Variants in ROBO1 observed in about 807,000 individuals in gnomAD.
The protein encoded by ROBO1 is roundabout homolog 1.
A neutral mutation model predicts 195.9 loss-of-function variants in ROBO1; 149 were observed. That is an observed-to-expected ratio of 0.76 (90% CI 0.67 to 0.87). ROBO1 has a LOEUF of 0.87. Ranked by LOEUF, ROBO1 falls within the 40% of genes least tolerant of loss-of-function variation. The pLI is 0.00. For missense variants in ROBO1, 1,933 were observed against 2,068.3 expected, an observed-to-expected ratio of 0.93 and a Z score of 1.27; for synonymous variants, 816 against 733.2, an observed-to-expected ratio of 1.11 and a Z score of -1.82.
intron 4 of ROBO1, among the ~76,000 whole-genome samples, chr3:78,808,147 CCT>C (rs2084608210): frequency 6.6e-6 from 1 of 152,122 alleles, no homozygotes; most frequent in Admixed American, 6.6e-5. Context: ...AACTCCTTTT[CCT>C]AACCAACAAC....
At chr3:78,917,795 T>C (rs548823668) in intron 4 of ROBO1, among the ~76,000 whole-genome samples, 1 of 152,308 alleles carries the variant, frequency 6.6e-6, no homozygotes, top group South Asian at 2.1e-4. Context: ...GTCTGGCCTA[T>C]TAACAATTCT....
At chr3:79,060,031 G>T (rs2108398277) in intron 3 of ROBO1, among the ~76,000 whole-genome samples, 1 of 152,028 alleles carries the variant, frequency 6.6e-6, no homozygotes, top group South Asian at 2.1e-4. Context: ...AGTAGCCCTG[G>T]GAAAGGAATG....
chr3:79,407,947 C>T (rs1575783788), intron 2 of ROBO1, among the ~76,000 whole-genome samples: 1 of 152,028 alleles, frequency 6.6e-6, no homozygotes, highest in Non-Finnish European at 1.5e-5. Context: ...AAACTAGACA[C>T]TTATTTTTTC....
intron 2 of ROBO1, among the ~76,000 whole-genome samples, chr3:79,576,121 AAT>A (rs1247697128): frequency 6.6e-6 from 1 of 152,000 alleles, no homozygotes; most frequent in Non-Finnish European, 1.5e-5. Flanking sequence ...TTATACATTG[AAT>A]AGTCTGCTGA....
chr3:79,494,351 T>A (rs978068037), intron 2 of ROBO1, among the ~76,000 whole-genome samples: 3 of 152,090 alleles, frequency 2.0e-5, no homozygotes, highest in Non-Finnish European at 4.4e-5. Context: ...ATCATAAAAA[T>A]TACATAAAAA....
At chr3:79,171,082 T>C (rs1371363204) in intron 2 of ROBO1, among the ~76,000 whole-genome samples, 1 of 150,998 alleles carries the variant, frequency 6.6e-6, no homozygotes, top group Non-Finnish European at 1.5e-5. Context: ...TATAAAATTA[T>C]TATTTTATAT....
At position 78,661,981 on chromosome 3, in the gene ROBO1, G is replaced by A; in HGVS notation, c.2088+12C>T. The A allele has an allele frequency of 6.2e-7, 1 of 1,604,624 alleles. No individual in the cohort carries two copies. Among genetic ancestry groups the A allele is most frequent in the Non-Finnish European group, 8.5e-7 (1 of 1,176,162 alleles). ...CTTATTAAAACTGAGATCAAATATTGTAACAACTCACTGTCCAGTGCACTT... is the reference window on the plus strand; with the variant it reads ...CTTATTAAAACTGAGATCAAATATTATAACAACTCACTGTCCAGTGCACTT... On this transcript the variant is annotated intron_variant, in intron 15 of 30. Coordinates refer to ENST00000464233, the MANE Select transcript of ROBO1 (RefSeq NM_002941.4).
intron 1 of ROBO1, among the ~76,000 whole-genome samples, chr3:79,595,774 C>T (rs574747591): frequency 2.0e-5 from 3 of 149,042 alleles, no homozygotes; most frequent in African/African-American, 4.9e-5. Context: ...AAGATGGTCT[C>T]GAACTTCTGG....
chr3:79,233,973 C>T (rs1490008747), intron 2 of ROBO1, among the ~76,000 whole-genome samples: 1 of 151,854 alleles, frequency 6.6e-6, no homozygotes, highest in East Asian at 1.9e-4. Context: ...TGTTTGGTGT[C>T]CACTTGTACG....
At chr3:79,332,939 C>G (rs916624248) in intron 2 of ROBO1, among the ~76,000 whole-genome samples, 2 of 152,074 alleles carry the variant, frequency 1.3e-5, no homozygotes, top group Non-Finnish European at 2.9e-5. Flanking sequence ...TGGTGGCTTA[C>G]GCCTGTAATC....
At chr3:79,366,354 G>A (rs532301239) in intron 2 of ROBO1, among the ~76,000 whole-genome samples, 1 of 152,230 alleles carries the variant, frequency 6.6e-6, no homozygotes, top group South Asian at 2.1e-4. Context: ...CCTCCATTTT[G>A]TATTCTTGTC....
chr3:79,119,590 T>C (rs1472350780), intron 3 of ROBO1, among the ~76,000 whole-genome samples: 1 of 151,480 alleles, frequency 6.6e-6, no homozygotes, highest in East Asian at 1.9e-4. Context: ...ATTAAATTGA[T>C]GTGAGTTGAT....
chr3:78,964,257 T>A lies in ROBO1; in HGVS notation c.173-25330A>T, dbSNP rs146690607. ...ATCTCTAGCATTTGCAAAGACCTTATCTTCAGATAATGTCACATTCACAGA... is the reference window on the plus strand; with the variant it reads ...ATCTCTAGCATTTGCAAAGACCTTAACTTCAGATAATGTCACATTCACAGA... On this transcript the variant is annotated intron_variant, in intron 3 of 30. Coordinates refer to ENST00000464233, the MANE Select transcript of ROBO1 (RefSeq NM_002941.4). Among the ~76,000 whole-genome samples, 371 of 152,268 alleles carry A rather than the reference T, an allele frequency of 2.4e-3. 1 individual carries two copies. The highest frequency in any genetic ancestry group is 8.6e-3 in the African/African-American group (356 of 41,554).
At chr3:79,086,232 T>C (rs980858404) in intron 3 of ROBO1, among the ~76,000 whole-genome samples, 5 of 151,858 alleles carry the variant, frequency 3.3e-5, no homozygotes, top group Non-Finnish European at 5.9e-5. Flanking sequence ...GTAATGCTAA[T>C]GTGGGCAACC....
At chr3:79,172,752 A>T (rs754497090) in intron 2 of ROBO1, among the ~76,000 whole-genome samples, 3 of 151,868 alleles carry the variant, frequency 2.0e-5, no homozygotes, top group African/African-American at 4.8e-5. Context: ...AATGCTCACC[A>T]GTTCTAGGAT....
chr3:79,513,121 A>ATG (rs1193925027), intron 2 of ROBO1, among the ~76,000 whole-genome samples: 1 of 152,158 alleles, frequency 6.6e-6, no homozygotes, highest in Non-Finnish European at 1.5e-5. Flanking sequence ...AATAGCCAAA[A>ATG]GGAAATATCA....
intron 4 of ROBO1, among the ~76,000 whole-genome samples, chr3:78,834,474 C>CAAT (rs1209623060): frequency 6.7e-6 from 1 of 149,524 alleles, no homozygotes; most frequent in Non-Finnish European, 1.5e-5. Flanking sequence ...GAAAAGACAG[C>CAAT]AATAAAGTGA....
intron 2 of ROBO1, among the ~76,000 whole-genome samples, chr3:79,339,513 T>C (rs570756321): frequency 6.6e-6 from 1 of 152,282 alleles, no homozygotes; most frequent in East Asian, 1.9e-4. Flanking sequence ...CACTCCCTTT[T>C]TGTACCTGCA....
chr3:78,923,975 G>A (rs1333874601), intron 4 of ROBO1, among the ~76,000 whole-genome samples: 1 of 150,244 alleles, frequency 6.7e-6, no homozygotes, highest in Non-Finnish European at 1.5e-5. Context: ...ACTCCTTAGG[G>A]AAGAAAAAAA....
Sources: gnomAD v4.1 joint callset for allele counts (sites outside exome capture counted in the v4.1 genomes callset) on GRCh38, gnomAD v4.1.1 for gene constraint, MANE v1.5 for transcripts, NCBI Gene and HGNC (gene_info 2026-07-23, HGNC 2026-07-21) for gene names.